KIAA1217: variants seen among roughly 807,000 people sequenced by gnomAD.
KIAA1217 encodes the protein sickle tail protein homolog.
KIAA1217 carries 88 observed loss-of-function variants against 163.9 expected under a neutral mutation model. The observed-to-expected ratio is 0.54, with a 90% CI of 0.45 to 0.64. The LOEUF (loss-of-function observed/expected upper bound fraction) is 0.64, where lower values mean the gene tolerates loss of function less well. KIAA1217 is among the 30% of genes least tolerant of loss of function. The probability of loss-of-function intolerance (pLI) is 0.00; values close to 1 mark genes in which losing one functional copy is unlikely to be tolerated. For synonymous variants in KIAA1217, 903 were observed against 923.1 expected, an observed-to-expected ratio of 0.98 and a Z score of 0.39; for missense variants, 2,372 against 2,475.0, an observed-to-expected ratio of 0.96 and a Z score of 0.88.
intron 1 of KIAA1217, among the ~76,000 whole-genome samples, chr10:23,909,593 T>C (rs112987107): frequency 0.029 from 4,418 of 152,224 alleles, 82 homozygotes; most frequent in Non-Finnish European, 0.045. Context: ...GGTTTCCAGC[T>C]TCATCCATGT....
chr10:24,258,586 C>CTTTTTTTTT (rs34467674), intron 2 of KIAA1217, among the ~76,000 whole-genome samples: 1 of 138,308 alleles, frequency 7.2e-6, no homozygotes, highest in Admixed American at 7.3e-5. Flanking sequence ...GGGCTTACTT[C>CTTTTTTTTT]TTTTTTTTTT....
chr10:24,275,987 C>T (rs2077244618), intron 2 of KIAA1217, among the ~76,000 whole-genome samples: 1 of 152,140 alleles, frequency 6.6e-6, no homozygotes, highest in Admixed American at 6.6e-5. Flanking sequence ...GAGAAGGAAA[C>T]TCCTCCCCAG....
chr10:24,230,185 T>A (rs1009598473), intron 2 of KIAA1217, among the ~76,000 whole-genome samples: 3 of 152,180 alleles, frequency 2.0e-5, no homozygotes, highest in Non-Finnish European at 2.9e-5. Flanking sequence ...AAAATTGCTG[T>A]GCTGTTTCTC....
At chr10:23,778,165 T>C (rs1835089819) in intron 1 of KIAA1217, among the ~76,000 whole-genome samples, 1 of 152,112 alleles carries the variant, frequency 6.6e-6, no homozygotes. Flanking sequence ...GGTCTTGAAC[T>C]CCTGACCTCG....
At chr10:24,471,169 T>G (rs1326366209) in intron 5 of KIAA1217, among the ~76,000 whole-genome samples, 1 of 152,210 alleles carries the variant, frequency 6.6e-6, no homozygotes, top group Admixed American at 6.5e-5. Flanking sequence ...CCCTACTGTC[T>G]TCCACATCAT....
intron 3 of KIAA1217, among the ~76,000 whole-genome samples, chr10:24,417,381 T>C (rs1027260808): frequency 5.3e-5 from 8 of 152,150 alleles, no homozygotes; most frequent in Admixed American, 2.0e-4. Flanking sequence ...TTCCCAAGTC[T>C]CTCTCCATAG....
In KIAA1217 at chr10:24,500,219, CTTTA is replaced by C. The variant is rs139576156; in HGVS notation, c.1835-1157_1835-1154del. On this transcript the variant is annotated intron_variant, in intron 8 of 20. Coordinates refer to ENST00000376454, the MANE Select transcript of KIAA1217 (RefSeq NM_019590.5). The stretch of plus-strand genomic sequence containing the variant: ...TGTGTGTGTGTGTGTGTGTGTGTGT[CTTTA>C]TTAGTAACATGGATCCAGCCTCTAC... 5.9e-3 allele frequency among the ~76,000 whole-genome samples: 534 copies of C among 90,374 alleles called. 2 individuals carry two copies. Among genetic ancestry groups the C allele is most frequent in the African/African-American group, 0.023 (510 of 22,362 alleles). The allele number at this position is 90,374 out of a possible 152,430, so 59.3% of individuals were successfully genotyped here. A position where few individuals can be genotyped will look rare whatever the true frequency, so the allele number is the denominator to read the frequency against.
chr10:23,947,053 C>T (rs951844013), intron 1 of KIAA1217, among the ~76,000 whole-genome samples: 4 of 152,102 alleles, frequency 2.6e-5, no homozygotes, highest in Non-Finnish European at 4.4e-5. Flanking sequence ...CTTGCTGCCA[C>T]CATGTGAAAA....
At chr10:24,491,641 C>T (rs1181671353) in intron 6 of KIAA1217, among the ~76,000 whole-genome samples, 1 of 152,036 alleles carries the variant, frequency 6.6e-6, no homozygotes, top group African/African-American at 2.4e-5. Flanking sequence ...TGTAATGAAA[C>T]CTGTTGACCA....
At chr10:24,404,396 G>A (rs1591652326) in intron 3 of KIAA1217, among the ~76,000 whole-genome samples, 1 of 151,882 alleles carries the variant, frequency 6.6e-6, no homozygotes, top group East Asian at 1.9e-4. Flanking sequence ...GTGAAACCCT[G>A]TCTCTACTAA....
At chr10:24,453,653 G>C (rs1262245667) in intron 5 of KIAA1217, among the ~76,000 whole-genome samples, 1 of 152,182 alleles carries the variant, frequency 6.6e-6, no homozygotes, top group Non-Finnish European at 1.5e-5. Flanking sequence ...CAGTTATGCT[G>C]TTTGAAATGT....
chr10:24,155,294 C>T (rs910311179), intron 2 of KIAA1217, among the ~76,000 whole-genome samples: 4 of 152,138 alleles, frequency 2.6e-5, no homozygotes, highest in Non-Finnish European at 5.9e-5. Context: ...ATCTGAAACT[C>T]TCTGAGTTGG....
At chr10:23,808,105 A>G (rs1164023796) in intron 1 of KIAA1217, among the ~76,000 whole-genome samples, 1 of 152,240 alleles carries the variant, frequency 6.6e-6, no homozygotes, top group Non-Finnish European at 1.5e-5. Context: ...CTGGATTTAT[A>G]CTATCTATGT....
At chr10:24,484,241 A>ATATATATATATTTTTTTTTTTTTTTTTTT (rs1376083298) in intron 6 of KIAA1217, among the ~76,000 whole-genome samples, 3 of 75,156 alleles carry the variant, frequency 4.0e-5, no homozygotes, top group Admixed American at 3.7e-4. Flanking sequence ...ATATATATAT[A>ATATATATATATTTTTTTTTTTTTTTTTTT]TTTTTTTTTT....
intron 1 of KIAA1217, among the ~76,000 whole-genome samples, chr10:23,879,151 A>G (rs530912059): frequency 1.3e-5 from 2 of 152,056 alleles, no homozygotes; most frequent in East Asian, 3.9e-4. Flanking sequence ...GATCATTTAA[A>G]GTAGTTGTTC....
chr10:24,082,929 A>G (rs1418076116), intron 2 of KIAA1217, among the ~76,000 whole-genome samples: 1 of 152,054 alleles, frequency 6.6e-6, no homozygotes, highest in Non-Finnish European at 1.5e-5. Context: ...CTTTTTAATA[A>G]TGGCTTTTCT....
intron 2 of KIAA1217, among the ~76,000 whole-genome samples, chr10:24,169,517 G>A (rs562577356): frequency 1.3e-5 from 2 of 152,208 alleles, no homozygotes; most frequent in Non-Finnish European, 2.9e-5. Context: ...TAGGGAATTC[G>A]TTTTGTTCCC....
chr10:23,820,276 G>A (rs750693354), intron 1 of KIAA1217, among the ~76,000 whole-genome samples: 1 of 152,018 alleles, frequency 6.6e-6, no homozygotes, highest in Admixed American at 6.6e-5. Context: ...CATATTAAAC[G>A]GACAGAGGCC....
intron 1 of KIAA1217, among the ~76,000 whole-genome samples, chr10:23,743,318 T>C (rs1004705325): frequency 1.3e-5 from 2 of 152,066 alleles, no homozygotes; most frequent in Admixed American, 1.3e-4. Flanking sequence ...CCTATTTCCA[T>C]GATTAGCCTG....
Sources: gnomAD v4.1 joint callset for allele counts (sites outside exome capture counted in the v4.1 genomes callset) on GRCh38, gnomAD v4.1.1 for gene constraint, MANE v1.5 for transcripts, NCBI Gene and HGNC (gene_info 2026-07-23, HGNC 2026-07-21) for gene names.